Variants in ARHGAP24 observed in about 807,000 individuals in gnomAD.
The protein encoded by ARHGAP24 is Rho GTPase activating protein 24, also known as rho GTPase-activating protein 24.
A neutral mutation model predicts 76.4 loss-of-function variants in ARHGAP24; 50 were observed. That is an observed-to-expected ratio of 0.65 (90% CI 0.52 to 0.83). ARHGAP24 has a LOEUF of 0.83. Among genes scored for constraint, ARHGAP24 ranks in the 40% least tolerant of loss-of-function variants. The probability of loss-of-function intolerance (pLI) is 0.00; values close to 1 mark genes in which losing one functional copy is unlikely to be tolerated. For synonymous variants in ARHGAP24, 345 were observed against 323.3 expected (o/e 1.07, Z -0.72); for missense variants, 930 against 914.2 (o/e 1.02, Z -0.22).
At chr4:85,507,292 G>T (rs533932278) in intron 1 of ARHGAP24, among the ~76,000 whole-genome samples, 58 of 152,150 alleles carry the variant, frequency 3.8e-4, no homozygotes, top group African/African-American at 1.3e-3. Context: ...TGCGATCATG[G>T]CTCACTGTAG....
chr4:85,511,355 G>A (rs1724274739), intron 1 of ARHGAP24, among the ~76,000 whole-genome samples: 1 of 152,098 alleles, frequency 6.6e-6, no homozygotes, highest in African/African-American at 2.4e-5. Flanking sequence ...TTTGGAGTTA[G>A]GCACTGTATT....
At position 85,894,265 on chromosome 4, in the gene ARHGAP24, A is replaced by T. The variant is rs1734011867; in HGVS notation, c.269-29383A>T. Among the ~76,000 whole-genome samples the T allele has an allele frequency of 3.9e-5, 6 of 152,294 alleles. No homozygotes were observed. The South Asian group carries it at 1.2e-3, about 32-fold the overall frequency. The stretch of plus-strand genomic sequence containing the variant: ...ATGTCAAATTAGGAACCTTCACACC[A>T]GGGTTAATGACCAAGCTTACAGGAG... On this transcript the variant is annotated intron_variant, in intron 3 of 9. Transcript: ENST00000395184.
chr4:85,775,614 A>G (rs958814199), intron 3 of ARHGAP24, among the ~76,000 whole-genome samples: 11 of 152,190 alleles, frequency 7.2e-5, no homozygotes, highest in Non-Finnish European at 1.5e-4. Flanking sequence ...GGTCCCTCCC[A>G]CAACACCTGG....
chr4:85,857,444 A>T (rs773203360), intron 3 of ARHGAP24, among the ~76,000 whole-genome samples: 2 of 152,222 alleles, frequency 1.3e-5, no homozygotes, highest in Non-Finnish European at 2.9e-5. Context: ...GCTCACTGAT[A>T]GTTTATTAAG....
intron 8 of ARHGAP24, among the ~76,000 whole-genome samples, chr4:85,980,282 C>G (rs573985554): frequency 6.6e-6 from 1 of 152,116 alleles, no homozygotes; most frequent in East Asian, 1.9e-4. Flanking sequence ...TACACATTTA[C>G]CTATTAAAGA....
chr4:85,962,224 A>G (rs1048956133), intron 5 of ARHGAP24, among the ~76,000 whole-genome samples: 2 of 152,100 alleles, frequency 1.3e-5, no homozygotes, highest in Non-Finnish European at 2.9e-5. Flanking sequence ...TGGAACAGCT[A>G]TGTAAACTCT....
At chr4:85,482,993 G>C (rs1485105199) in intron 1 of ARHGAP24, among the ~76,000 whole-genome samples, 1 of 152,168 alleles carries the variant, frequency 6.6e-6, no homozygotes. Context: ...CAACCTTGGG[G>C]AGGTTGCATT....
intron 2 of ARHGAP24, among the ~76,000 whole-genome samples, chr4:85,662,857 G>T (rs1262910226): frequency 6.6e-6 from 1 of 152,066 alleles, no homozygotes; most frequent in Admixed American, 6.5e-5. Flanking sequence ...TGAGGGCTCT[G>T]TTCTCTTCCA....
chr4:85,679,113 A>G (rs963468417), intron 2 of ARHGAP24, among the ~76,000 whole-genome samples: 2 of 152,190 alleles, frequency 1.3e-5, no homozygotes, highest in African/African-American at 4.8e-5. Context: ...GCATGGCAAG[A>G]CAAGTTATAT....
intron 8 of ARHGAP24, chr4:85,990,180 ATTG>A (rs1740239022): frequency 6.6e-6 from 1 of 151,810 alleles, no homozygotes; most frequent in Non-Finnish European, 1.5e-5. Context: ...AAATAAAATT[ATTG>A]TTTAGAACAA....
intron 3 of ARHGAP24, among the ~76,000 whole-genome samples, chr4:85,803,970 G>A (rs1165522123): frequency 2.9e-5 from 4 of 138,200 alleles, no homozygotes; most frequent in East Asian, 2.1e-4. Flanking sequence ...TTTTTTCCTC[G>A]AGATGAAGTC....
In ARHGAP24 at chr4:85,735,954, G is replaced by A. The variant is rs141719579; in HGVS notation, c.268+13982G>A. On this transcript the variant is annotated intron_variant, in intron 3 of 9. Transcript: ENST00000395184. ...ACTATAGCCTATAACTACCCCCGATGTATTTTATTTTTCTCTCTTGCTCTG... is the reference window on the plus strand; with the variant it reads ...ACTATAGCCTATAACTACCCCCGATATATTTTATTTTTCTCTCTTGCTCTG... 4.6e-4 allele frequency among the ~76,000 whole-genome samples: 70 copies of A among 152,168 alleles called. 2 individuals carry two copies. In the East Asian group the frequency reaches 0.013, roughly 29 times the overall value.
At chr4:85,620,624 C>CT (rs2110002965) in intron 2 of ARHGAP24, among the ~76,000 whole-genome samples, 1 of 151,700 alleles carries the variant, frequency 6.6e-6, no homozygotes, top group African/African-American at 2.4e-5. Flanking sequence ...ATCTTTTCTA[C>CT]TTTTTTCTTA....
chr4:85,486,000 A>G (rs1357246244), intron 1 of ARHGAP24, among the ~76,000 whole-genome samples: 2 of 152,060 alleles, frequency 1.3e-5, no homozygotes, highest in South Asian at 2.1e-4. Context: ...CGGCCTCCCA[A>G]AGTGCTGGGA....
intron 3 of ARHGAP24, among the ~76,000 whole-genome samples, chr4:85,894,683 G>C (rs1385661424): frequency 6.6e-6 from 1 of 152,160 alleles, no homozygotes; most frequent in Non-Finnish European, 1.5e-5. Context: ...TTGGGAGCCA[G>C]GTGAGGTGGC....
chr4:85,622,464 T>C (rs969639751), intron 2 of ARHGAP24, among the ~76,000 whole-genome samples: 3 of 152,140 alleles, frequency 2.0e-5, no homozygotes, highest in Non-Finnish European at 4.4e-5. Context: ...CCATGGTATA[T>C]ATGTGCCACA....
chr4:85,619,719 T>G (rs1219788030), intron 2 of ARHGAP24, among the ~76,000 whole-genome samples: 1 of 151,988 alleles, frequency 6.6e-6, no homozygotes, highest in African/African-American at 2.4e-5. Context: ...CAATCGTAAA[T>G]GGGATTCCTT....
In ARHGAP24 at chr4:85,964,990, C is replaced by T. The variant is rs1458597711; in HGVS notation, c.600-7046C>T. 5.3e-5 allele frequency among the ~76,000 whole-genome samples: 8 copies of T among 152,060 alleles called. No homozygotes were observed. The East Asian group carries it at 1.4e-3, about 26-fold the overall frequency. On this transcript the variant is annotated intron_variant, in intron 5 of 9. Transcript: ENST00000395184. ...ATTGAAAGGGAGGAGTCTCTACACACATGCCTCTATACACAGAAGAAATTC... is the reference window on the plus strand; with the variant it reads ...ATTGAAAGGGAGGAGTCTCTACACATATGCCTCTATACACAGAAGAAATTC...
chr4:85,927,208 CATT>C (rs1736067458), intron 4 of ARHGAP24, among the ~76,000 whole-genome samples: 1 of 152,038 alleles, frequency 6.6e-6, no homozygotes. Context: ...AGCTTGAAAA[CATT>C]ATGCTAAGTG....
Sources: gnomAD v4.1 joint callset for allele counts (sites outside exome capture counted in the v4.1 genomes callset) on GRCh38, gnomAD v4.1.1 for gene constraint, MANE v1.5 for transcripts, NCBI Gene and HGNC (gene_info 2026-07-23, HGNC 2026-07-21) for gene names.